Variants in ADAMTS3 observed in about 807,000 individuals in gnomAD.
ADAMTS3 encodes ADAM metallopeptidase with thrombospondin type 1 motif 3, also known as A disintegrin and metalloproteinase with thrombospondin motifs 3.
A neutral mutation model predicts 129.0 loss-of-function variants in ADAMTS3; 73 were observed. The ratio of observed to expected loss-of-function variants is 0.57; its 90% CI spans 0.47 to 0.69. The LOEUF is 0.69. ADAMTS3 is among the 30% of genes least tolerant of loss of function. The probability of loss-of-function intolerance (pLI) is 0.00; values close to 1 mark genes in which losing one functional copy is unlikely to be tolerated. For missense variants in ADAMTS3, 1,457 were observed against 1,514.5 expected, an observed-to-expected ratio of 0.96 and a Z score of 0.63; for synonymous variants, 477 against 510.8, an observed-to-expected ratio of 0.93 and a Z score of 0.89.
chr4:72,288,447 A>C (rs897787240), intron 21 of ADAMTS3, among the ~76,000 whole-genome samples: 2 of 152,206 alleles, frequency 1.3e-5, no homozygotes, highest in African/African-American at 4.8e-5. Context: ...ATAACAAGGA[A>C]AAATTAAGTG....
chr4:72,479,763 C>A (rs561916267), intron 3 of ADAMTS3, among the ~76,000 whole-genome samples: 2 of 152,210 alleles, frequency 1.3e-5, no homozygotes, highest in Admixed American at 6.5e-5. Context: ...AGGCAGCCTG[C>A]AAAATGGGAG....
intron 4 of ADAMTS3, among the ~76,000 whole-genome samples, chr4:72,399,101 T>G (rs1721807584): frequency 6.6e-6 from 1 of 152,222 alleles, no homozygotes; most frequent in Non-Finnish European, 1.5e-5. Context: ...TTGCAAAGCT[T>G]TCACTTTATT....
intron 5 of ADAMTS3, among the ~76,000 whole-genome samples, chr4:72,331,788 CA>C (rs1259877452): frequency 6.6e-6 from 1 of 152,138 alleles, no homozygotes; most frequent in Admixed American, 6.6e-5. Context: ...AAGTCCAACT[CA>C]AATGACATGT....
chr4:72,545,245 T>C (rs1041666075), intron 3 of ADAMTS3, among the ~76,000 whole-genome samples: 9 of 152,234 alleles, frequency 5.9e-5, no homozygotes, highest in African/African-American at 1.7e-4. Context: ...ACATGAGATG[T>C]GAAAATGATC....
At chr4:72,480,230 A>G (rs1208973291) in intron 3 of ADAMTS3, among the ~76,000 whole-genome samples, 1 of 152,176 alleles carries the variant, frequency 6.6e-6, no homozygotes, top group Non-Finnish European at 1.5e-5. Flanking sequence ...ATGCTGCTAT[A>G]AAGACACATG....
rs146827790 is a variant in ADAMTS3 at position 72,312,291 on chromosome 4, G to C, written c.1921C>G (p.Pro641Ala). The C allele has an allele frequency of 6.2e-7, 1 of 1,613,390 alleles. No individual in the cohort carries two copies. Among genetic ancestry groups the C allele is most frequent in the East Asian group, 2.2e-5 (1 of 44,834 alleles). Residue 641 changes from proline to alanine, a missense_variant and splice_region_variant, in exon 13 of 22, where the codon CCC becomes GCC. By Grantham distance (27) the Pro-to-Ala change is conservative. Coordinates refer to ENST00000286657, the MANE Select transcript of ADAMTS3 (RefSeq NM_014243.3). ...GGAAGGAGAGCACGAGGCTACTCAC[G>C]GTCAGGATGTTCATATGGCAACCAG... ...HHWLPYEHPD[P>A]KKRCHLYCQS...
At chr4:72,368,247 C>T (rs1261589919) in intron 4 of ADAMTS3, among the ~76,000 whole-genome samples, 1 of 152,036 alleles carries the variant, frequency 6.6e-6, no homozygotes, top group Non-Finnish European at 1.5e-5. Context: ...ATATTACTCC[C>T]GAAGCCATTA....
intron 3 of ADAMTS3, among the ~76,000 whole-genome samples, chr4:72,537,776 A>G (rs1434442560): frequency 6.6e-6 from 1 of 152,206 alleles, no homozygotes; most frequent in Non-Finnish European, 1.5e-5. Context: ...GGAAAAGAAA[A>G]AAACAATAGA....
At chr4:72,474,801 T>A (rs10938021) in intron 3 of ADAMTS3, among the ~76,000 whole-genome samples, 15 of 151,448 alleles carry the variant, frequency 9.9e-5, no homozygotes, top group African/African-American at 3.4e-4. Context: ...CCGAGGCGGG[T>A]GGATCACGAG....
intron 3 of ADAMTS3, among the ~76,000 whole-genome samples, chr4:72,503,168 G>A (rs1720071488): frequency 1.3e-5 from 2 of 151,876 alleles, no homozygotes; most frequent in Non-Finnish European, 2.9e-5. Flanking sequence ...GATTACAGGT[G>A]CCCACCACCA....
At chr4:72,554,969 A>G (rs920611414) in intron 2 of ADAMTS3, among the ~76,000 whole-genome samples, 1 of 151,816 alleles carries the variant, frequency 6.6e-6, no homozygotes, top group Non-Finnish European at 1.5e-5. Context: ...TGAGCTAATC[A>G]ATTCACAGTG....
chr4:72,343,878 A>T (rs1156718949), intron 4 of ADAMTS3, among the ~76,000 whole-genome samples: 2 of 152,264 alleles, frequency 1.3e-5, no homozygotes, highest in East Asian at 3.9e-4. Flanking sequence ...ATCCCCTCTT[A>T]GTTCTTAGAG....
intron 4 of ADAMTS3, among the ~76,000 whole-genome samples, chr4:72,367,337 C>T (rs1343799562): frequency 6.6e-6 from 1 of 151,996 alleles, no homozygotes; most frequent in Non-Finnish European, 1.5e-5. Context: ...TGGACATCTG[C>T]CATCTTTTTA....
intron 3 of ADAMTS3, among the ~76,000 whole-genome samples, chr4:72,418,010 C>G (rs914823405): frequency 2.0e-5 from 3 of 150,318 alleles, no homozygotes; most frequent in Admixed American, 6.7e-5. Flanking sequence ...CAAGACAGTT[C>G]ATTTGTCCTC....
chr4:72,557,422 C>G (rs1296722009), intron 2 of ADAMTS3, among the ~76,000 whole-genome samples: 1 of 151,848 alleles, frequency 6.6e-6, no homozygotes, highest in Non-Finnish European at 1.5e-5. Flanking sequence ...ATTCTGAACA[C>G]AGTCAAATTC....
intron 3 of ADAMTS3, among the ~76,000 whole-genome samples, chr4:72,540,110 C>A (rs1052652813): frequency 2.0e-5 from 3 of 152,106 alleles, no homozygotes; most frequent in East Asian, 3.9e-4. Flanking sequence ...TTGCAACTTC[C>A]TAGAGACTTG....
In ADAMTS3 at chr4:72,548,794, G is replaced by T; in HGVS notation, c.188C>A (p.Ala63Glu). ...EGRYLSHTLS[A>E]SHKKRSARDV... Reference sequence around the variant, plus strand: ...CCTCGCTGACCTCTTTTTGTGACTCGCAGAAAGAGTATGGGAGAGATAGCG... The same window carrying T: ...CCTCGCTGACCTCTTTTTGTGACTCTCAGAAAGAGTATGGGAGAGATAGCG... The change falls in exon 3 of 22, where the codon GCG becomes GAG. Residue 63 changes from alanine to glutamate, a missense_variant. Physicochemically the swap from Ala to Glu is moderately radical, Grantham distance 107. Transcript: ENST00000286657. 2 of 1,613,814 alleles carry T rather than the reference G, an allele frequency of 1.2e-6. No individual in the cohort carries two copies. The highest frequency in any genetic ancestry group is 1.7e-6 in the Non-Finnish European group (2 of 1,179,842).
Position 72,498,114 on chromosome 4 carries a change from G to A in ADAMTS3, c.504+50364C>T, listed in dbSNP as rs112204508. 7.1e-3 allele frequency among the ~76,000 whole-genome samples: 1,082 copies of A among 152,098 alleles called. 22 individuals are homozygous for A. Among genetic ancestry groups the A allele is most frequent in the African/African-American group, 0.025 (1,027 of 41,522 alleles). On this transcript the variant is annotated intron_variant, in intron 3 of 21. Transcript: ENST00000286657. ...ACCAGTATATAACTAAGTGTTTTCC[G>A]TATAACATATTAAGTAAAATGTGTC...
At chr4:72,415,044 T>C in intron 3 of ADAMTS3, 73 bp from the exon 4 acceptor site, 5 of 1,130,156 alleles carry the variant, frequency 4.4e-6, no homozygotes, top group Non-Finnish European at 4.7e-6. Context: ...CACATCTTTT[T>C]AAATGTCAAG....
Sources: gnomAD v4.1 joint callset for allele counts (sites outside exome capture counted in the v4.1 genomes callset) on GRCh38, gnomAD v4.1.1 for gene constraint, MANE v1.5 for transcripts, NCBI Gene and HGNC (gene_info 2026-07-23, HGNC 2026-07-21) for gene names.